NRXN1: variants seen among roughly 807,000 people sequenced by gnomAD.
The protein encoded by NRXN1 is neurexin-1.
In NRXN1, 39 loss-of-function variants were observed where a neutral mutation model predicts 150.9. The ratio of observed to expected loss-of-function variants is 0.26; its 90% CI spans 0.20 to 0.34. NRXN1 has a LOEUF of 0.34. NRXN1 is among the 10% of genes least tolerant of loss of function. NRXN1 has a pLI of 1.00. For missense variants in NRXN1, 1,815 were observed against 1,949.9 expected (o/e 0.93, Z 1.30); for synonymous variants, 924 against 757.0 (o/e 1.22, Z -3.62).
At chr2:50,337,932 TATTAACACAAGA>T in intron 17 of NRXN1, among the ~76,000 whole-genome samples, 1 of 152,364 alleles carries the variant, frequency 6.6e-6, no homozygotes, top group Middle Eastern at 3.4e-3. Context: ...ATACCTTGTG[TATTAACACAAGA>T]CTTTTGTATA....
At chr2:50,784,904 G>C (rs931818035) in intron 5 of NRXN1, among the ~76,000 whole-genome samples, 5 of 152,052 alleles carry the variant, frequency 3.3e-5, no homozygotes, top group African/African-American at 4.8e-5. Context: ...CCATGTGAGG[G>C]TTATAGATAC....
intron 21 of NRXN1, among the ~76,000 whole-genome samples, chr2:50,040,612 T>C (rs1458544692): frequency 1.3e-5 from 2 of 152,054 alleles, no homozygotes; most frequent in African/African-American, 2.4e-5. Flanking sequence ...GGGATAAATG[T>C]GGTATCGTTG....
At chr2:50,762,774 C>T (rs538269467) in intron 5 of NRXN1, among the ~76,000 whole-genome samples, 28 of 152,020 alleles carry the variant, frequency 1.8e-4, no homozygotes, top group African/African-American at 6.5e-4. Context: ...CCTGTCTTTG[C>T]AATTGTGAAT....
intron 17 of NRXN1, among the ~76,000 whole-genome samples, chr2:50,343,776 C>T (rs2077725948): frequency 1.3e-5 from 2 of 152,198 alleles, no homozygotes; most frequent in Admixed American, 1.3e-4. Context: ...ATAGGGGACT[C>T]AATTTTATTC....
chr2:50,412,341 AAT>A (rs1340206396), intron 17 of NRXN1, among the ~76,000 whole-genome samples: 3 of 151,704 alleles, frequency 2.0e-5, no homozygotes, highest in South Asian at 2.1e-4. Flanking sequence ...AAATAAAAAA[AAT>A]AATAAATAAT....
At chr2:50,722,299 T>C (rs1391519014) in intron 5 of NRXN1, among the ~76,000 whole-genome samples, 4 of 152,124 alleles carry the variant, frequency 2.6e-5, no homozygotes, top group African/African-American at 9.7e-5. Flanking sequence ...CAATTCCCCA[T>C]AATACAATTA....
chr2:50,137,572 T>G (rs554629713), intron 18 of NRXN1, among the ~76,000 whole-genome samples: 5 of 152,294 alleles, frequency 3.3e-5, no homozygotes, highest in Admixed American at 3.3e-4. Context: ...TTTAATTTCT[T>G]TCTAAATCTA....
intron 5 of NRXN1, among the ~76,000 whole-genome samples, chr2:50,812,438 C>A (rs1668345339): frequency 6.6e-6 from 1 of 152,086 alleles, no homozygotes; most frequent in Admixed American, 6.6e-5. Context: ...AAGCATTATG[C>A]AAAGGCATAG....
At chr2:50,306,185 C>A (rs557011407) in intron 17 of NRXN1, among the ~76,000 whole-genome samples, 34 of 152,220 alleles carry the variant, frequency 2.2e-4, no homozygotes, top group African/African-American at 7.0e-4. Context: ...GAAAATGGGA[C>A]ACCCTAAAAA....
At chr2:50,926,701 A>C (rs1013082372) in intron 2 of NRXN1, among the ~76,000 whole-genome samples, 29 of 152,062 alleles carry the variant, frequency 1.9e-4, no homozygotes, top group Non-Finnish European at 3.8e-4. Flanking sequence ...ACTTCTGTTG[A>C]GGATGTGAAT....
At chr2:50,643,766 G>A (rs1320620636) in intron 5 of NRXN1, among the ~76,000 whole-genome samples, 1 of 151,654 alleles carries the variant, frequency 6.6e-6, no homozygotes, top group South Asian at 2.1e-4. Context: ...CTGTTTCTGT[G>A]CCAGAACTAG....
At chr2:50,669,762 T>A (rs1688573478) in intron 5 of NRXN1, among the ~76,000 whole-genome samples, 1 of 151,292 alleles carries the variant, frequency 6.6e-6, no homozygotes. Flanking sequence ...AAAATTGTGA[T>A]TTTTTTACAG....
At chr2:50,287,957 G>A (rs1012669200) in intron 17 of NRXN1, among the ~76,000 whole-genome samples, 2 of 151,986 alleles carry the variant, frequency 1.3e-5, no homozygotes, top group African/African-American at 2.4e-5. Context: ...GCACCCTACT[G>A]TTGAGGAAAG....
At chr2:50,636,121 T>C (rs1285967938) in intron 5 of NRXN1, among the ~76,000 whole-genome samples, 1 of 152,202 alleles carries the variant, frequency 6.6e-6, no homozygotes, top group African/African-American at 2.4e-5. Context: ...TAATTAAGGC[T>C]CATTACATAA....
chr2:49,937,306 G>A (rs1009617420), intron 22 of NRXN1, among the ~76,000 whole-genome samples: 1 of 152,052 alleles, frequency 6.6e-6, no homozygotes, highest in African/African-American at 2.4e-5. Context: ...TTGTTTGTTT[G>A]TTTTCAGTGA....
intron 9 of NRXN1, among the ~76,000 whole-genome samples, chr2:50,552,357 A>G (rs911487277): frequency 6.6e-6 from 1 of 152,218 alleles, no homozygotes; most frequent in Non-Finnish European, 1.5e-5. Context: ...AGTTCATTTA[A>G]GAAGCTATTT....
chr2:50,644,032 C>T (rs1172987963), intron 5 of NRXN1, among the ~76,000 whole-genome samples: 1 of 151,216 alleles, frequency 6.6e-6, no homozygotes, highest in Non-Finnish European at 1.5e-5. Context: ...TTGTTTTTTA[C>T]TTATTTTGGT....
intron 17 of NRXN1, among the ~76,000 whole-genome samples, chr2:50,360,775 T>A (rs1170200952): frequency 6.6e-6 from 1 of 152,124 alleles, no homozygotes; most frequent in East Asian, 1.9e-4. Context: ...AATCGACATC[T>A]CCAGAACTCT....
intron 5 of NRXN1, among the ~76,000 whole-genome samples, chr2:50,798,276 T>G (rs1455387260): frequency 6.6e-6 from 1 of 152,164 alleles, no homozygotes; most frequent in African/African-American, 2.4e-5. Context: ...TTTTCCTCAA[T>G]AGTCAAAAAG....
Sources: allele counts gnomAD v4.1 joint callset (sites outside exome capture counted in the v4.1 genomes callset), GRCh38; gene constraint gnomAD v4.1.1; transcripts MANE v1.5; gene names NCBI Gene and HGNC (gene_info 2026-07-23, HGNC 2026-07-21).